Variants in HDAC8 observed in about 807,000 individuals in gnomAD.
The protein encoded by HDAC8 is histone deacetylase-like 1.
Under a neutral mutation model 32.2 loss-of-function variants are expected in HDAC8, and 1 was observed. The ratio of observed to expected loss-of-function variants is 0.03; its 90% CI spans 0.01 to 0.15. The LOEUF (loss-of-function observed/expected upper bound fraction) is 0.15, where lower values mean the gene tolerates loss of function less well. Among genes scored for constraint, HDAC8 ranks in the 10% least tolerant of loss-of-function variants. HDAC8 has a pLI of 1.00. For synonymous variants in HDAC8, 108 were observed against 113.9 expected (o/e 0.95, Z 0.33); for missense variants, 117 against 300.0 (o/e 0.39, Z 4.51).
intron 4 of HDAC8, among the ~76,000 whole-genome samples, chrX:72,554,496 G>GAGGGCGGGTA (rs2051201685): frequency 1.6e-5 from 1 of 61,079 alleles, no homozygotes; most frequent in Non-Finnish European, 3.6e-5. Context: ...GTAGGGCGGG[G>GAGGGCGGGTA]GGAGCGGGGA....
chrX:72,525,813 CAAAAAAAAAAAA>C (rs57801277), intron 4 of HDAC8, among the ~76,000 whole-genome samples: 7 of 21,554 alleles, frequency 3.2e-4, no homozygotes, highest in Admixed American at 1.1e-3. Flanking sequence ...GACTCTGTCT[CAAAAAAAAAAAA>C]AAAAAAAAAA....
chrX:72,525,957 T>A (rs1252369659), intron 4 of HDAC8, among the ~76,000 whole-genome samples: 1 of 109,205 alleles, frequency 9.2e-6, no homozygotes, highest in African/African-American at 3.3e-5. Context: ...ACTAGCCATG[T>A]GTGGTGGCTT....
intron 9 of HDAC8, among the ~76,000 whole-genome samples, chrX:72,432,057 A>G (rs1427280743): frequency 9.0e-6 from 1 of 110,952 alleles, no homozygotes; most frequent in Non-Finnish European, 1.9e-5. Flanking sequence ...TGCAGCCTCA[A>G]ACTCCTGGGC....
chrX:72,538,830 G>A (rs1179319238), intron 4 of HDAC8, among the ~76,000 whole-genome samples: 1 of 111,845 alleles, frequency 8.9e-6, no homozygotes, highest in Non-Finnish European at 1.9e-5. Flanking sequence ...TGTTTCTCAG[G>A]CTTTTGAAAA....
At chrX:72,446,083 G>A (rs1455595503) in intron 9 of HDAC8, among the ~76,000 whole-genome samples, 2 of 112,201 alleles carry the variant, frequency 1.8e-5, no homozygotes, top group Non-Finnish European at 3.8e-5. Context: ...TTACACTGTT[G>A]GTGGGACTGT....
intron 9 of HDAC8, among the ~76,000 whole-genome samples, chrX:72,452,125 A>T (rs1292752156): frequency 8.9e-6 from 1 of 112,695 alleles, no homozygotes; most frequent in South Asian, 3.6e-4. Flanking sequence ...TAGTCCTGAA[A>T]AACTTACAGA....
Position 72,478,505 on chromosome X carries a change from A to G in HDAC8, c.737+10428T>C, listed in dbSNP as rs1356007845. 3.6e-5 allele frequency among the ~76,000 whole-genome samples: 4 copies of G among 111,310 alleles called. No homozygotes were observed. The Admixed American group carries it at 3.8e-4, about 11-fold the overall frequency. On this transcript the variant is annotated intron_variant, in intron 7 of 10. Transcript: ENST00000373573. ...CGGAGCTGGCGCACACAAACCCCTT[A>G]GCTTCTGGCTCACTATGCAATGGCA...
intron 9 of HDAC8, among the ~76,000 whole-genome samples, chrX:72,458,339 C>T (rs193061184): frequency 8.9e-6 from 1 of 112,304 alleles, no homozygotes; most frequent in Admixed American, 9.4e-5. Flanking sequence ...ATGGTATCAC[C>T]GGTTTTATAT....
intron 9 of HDAC8, among the ~76,000 whole-genome samples, chrX:72,390,022 A>AC (rs2045570864): frequency 9.0e-6 from 1 of 110,795 alleles, no homozygotes. Context: ...TTTTCCCTTA[A>AC]TTTTTTTTAA....
intron 9 of HDAC8, among the ~76,000 whole-genome samples, chrX:72,354,768 C>G (rs150175436): frequency 9.0e-4 from 101 of 111,928 alleles, no homozygotes; most frequent in African/African-American, 3.2e-3. Context: ...TTTTAGTGTA[C>G]CTGTCATCAG....
chrX:72,444,195 C>A (rs1379620180), intron 9 of HDAC8, among the ~76,000 whole-genome samples: 1 of 98,179 alleles, frequency 1.0e-5, no homozygotes, highest in African/African-American at 3.9e-5. Flanking sequence ...ATGAGGCCAG[C>A]ATCATCCTGA....
intron 4 of HDAC8, among the ~76,000 whole-genome samples, chrX:72,521,211 A>G (rs1353295429): frequency 1.6e-4 from 17 of 108,337 alleles, no homozygotes; most frequent in Non-Finnish European, 1.9e-5. Context: ...GCTGCAAAAC[A>G]GTGATTTTTT....
At chrX:72,519,778 TG>T (rs1556027513) in intron 4 of HDAC8, among the ~76,000 whole-genome samples, 2 of 110,827 alleles carry the variant, frequency 1.8e-5, no homozygotes, top group Non-Finnish European at 3.8e-5. Flanking sequence ...TTTGTAGAGA[TG>T]GGGTTTCACC....
intron 7 of HDAC8, among the ~76,000 whole-genome samples, chrX:72,480,701 T>C (rs1252240023): frequency 2.7e-5 from 3 of 112,048 alleles, no homozygotes; most frequent in Non-Finnish European, 3.8e-5. Flanking sequence ...GGCATATATA[T>C]ACCATGGAAT....
chrX:72,403,245 A>G (rs189808083), intron 9 of HDAC8, among the ~76,000 whole-genome samples: 2 of 110,550 alleles, frequency 1.8e-5, no homozygotes, highest in East Asian at 5.7e-4. Flanking sequence ...CTTCTTTTGT[A>G]TTAGGTGGTT....
chrX:72,472,035 G>GACCTTACCTC (rs1555997938), intron 7 of HDAC8, among the ~76,000 whole-genome samples: 3 of 108,644 alleles, frequency 2.8e-5, no homozygotes, highest in Non-Finnish European at 3.8e-5. Flanking sequence ...ATGGTGCGAG[G>GACCTTACCTC]TAAGGGTCCA....
intron 7 of HDAC8, 145 bp from the exon 8 acceptor site, chrX:72,464,876 TAAGAG>T (rs2047973885): frequency 2.3e-6 from 1 of 441,178 alleles, no homozygotes; most frequent in Non-Finnish European, 3.9e-6. Flanking sequence ...ACTTTCCACT[TAAGAG>T]AGGTGAATCA....
At chrX:72,494,671 G>A (rs782674796) in intron 5 of HDAC8, among the ~76,000 whole-genome samples, 1 of 111,673 alleles carries the variant, frequency 9.0e-6, no homozygotes, top group East Asian at 2.8e-4. Flanking sequence ...TGTTTGTACG[G>A]CACTAAATAT....
At chrX:72,368,756 T>A (rs1555955342) in intron 9 of HDAC8, among the ~76,000 whole-genome samples, 1 of 112,432 alleles carries the variant, frequency 8.9e-6, no homozygotes, top group Non-Finnish European at 1.9e-5. Context: ...GAGCAAGAAC[T>A]ACATTAGCAC....
Sources: allele counts gnomAD v4.1 joint callset (sites outside exome capture counted in the v4.1 genomes callset), GRCh38; gene constraint gnomAD v4.1.1; transcripts MANE v1.5; gene names NCBI Gene and HGNC (gene_info 2026-07-23, HGNC 2026-07-21).